The following TAFA2 variants were observed in gnomAD, a reference collection of about 807,000 sequenced individuals.
TAFA2 encodes TAFA chemokine like family member 2.
A neutral mutation model predicts 18.8 loss-of-function variants in TAFA2; 7 were observed. The ratio of observed to expected loss-of-function variants is 0.37; its 90% CI spans 0.21 to 0.70. TAFA2 has a LOEUF of 0.70. Among genes scored for constraint, TAFA2 ranks in the 30% least tolerant of loss-of-function variants. The pLI, the probability that TAFA2 is intolerant of heterozygous loss-of-function variation, is 0.53. For missense variants in TAFA2, 122 were observed against 158.1 expected (o/e 0.77, Z 1.23); for synonymous variants, 60 against 54.2 (o/e 1.11, Z -0.47).
At chr12:62,145,751 C>G (rs1490372910) in intron 1 of TAFA2, 1 of 152,260 alleles carries the variant, frequency 6.6e-6, no homozygotes, top group Admixed American at 6.5e-5. Flanking sequence ...TCCTCACTCT[C>G]TTGGTGAGGC....
chr12:62,158,863 C>A (rs2062388464), intron 1 of TAFA2, among the ~76,000 whole-genome samples: 1 of 152,064 alleles, frequency 6.6e-6, no homozygotes, highest in African/African-American at 2.4e-5. Context: ...TCTAAAGACC[C>A]AGCACAAGTG....
At chr12:61,765,377 T>C (rs1869743599) in intron 2 of TAFA2, among the ~76,000 whole-genome samples, 1 of 152,098 alleles carries the variant, frequency 6.6e-6, no homozygotes, top group African/African-American at 2.4e-5. Context: ...TAGGCTATGT[T>C]AAGCCAATGT....
intron 1 of TAFA2, among the ~76,000 whole-genome samples, chr12:62,020,500 A>G (rs552389356): frequency 1.8e-4 from 28 of 152,350 alleles, no homozygotes; most frequent in Admixed American, 1.4e-3. Context: ...AGAAATGGGC[A>G]TGGTGTTTTC....
At chr12:62,042,401 C>CTG (rs147189045) in intron 1 of TAFA2, among the ~76,000 whole-genome samples, 9,523 of 143,886 alleles carry the variant, frequency 0.066, 337 homozygotes, top group African/African-American at 0.084. Context: ...GCATTGAAGT[C>CTG]TGTGTGTGTG....
intron 2 of TAFA2, among the ~76,000 whole-genome samples, chr12:61,865,358 T>C (rs893161126): frequency 6.6e-6 from 1 of 152,076 alleles, no homozygotes; most frequent in Non-Finnish European, 1.5e-5. Context: ...TTATTTTATG[T>C]GTAAAATAGC....
rs905671869 is a variant in TAFA2, at chr12:61,880,422, T to C, written c.-1-12996A>G. On this transcript the variant is annotated intron_variant, in intron 1 of 4. Transcript: ENST00000416284. ...GCCCTGCAGTGGGCCAAGCAGGACA[T>C]GGCACAGCAGCTGCGTGTATACCAG... 7.4e-6 allele frequency: 4 copies of C among 539,194 alleles called. No individual in the cohort carries two copies. The East Asian group carries it at 1.6e-4, about 21-fold the overall frequency. The allele number at this position is 539,194 out of a possible 1,614,324, so 33.4% of individuals were successfully genotyped here.
chr12:62,246,282 G>A (rs573953934), intron 1 of TAFA2, among the ~76,000 whole-genome samples: 4 of 152,178 alleles, frequency 2.6e-5, no homozygotes, highest in East Asian at 1.9e-4. Flanking sequence ...CACCGTGCCC[G>A]GCCCACTTTT....
At chr12:61,884,894 T>C (rs1335151332) in intron 1 of TAFA2, among the ~76,000 whole-genome samples, 2 of 152,212 alleles carry the variant, frequency 1.3e-5, no homozygotes, top group African/African-American at 4.8e-5. Flanking sequence ...ATTTCAAATG[T>C]GGAAGCCTGC....
At chr12:62,235,006 GGTAAGGCATT>G in intron 1 of TAFA2, 1 of 649,966 alleles carries the variant, frequency 1.5e-6, no homozygotes, top group South Asian at 1.4e-5. Flanking sequence ...GAGAGGCCAG[GGTAAGGCATT>G]GTAGGGTCCC....
chr12:61,917,521 C>T (rs1876876053), intron 1 of TAFA2, among the ~76,000 whole-genome samples: 1 of 152,100 alleles, frequency 6.6e-6, no homozygotes. Context: ...TTTGATTGAA[C>T]TCTGCACCCT....
chr12:62,021,530 A>G (rs1881139039), intron 1 of TAFA2: 2 of 725,796 alleles, frequency 2.8e-6, no homozygotes, highest in Non-Finnish European at 5.1e-6. Flanking sequence ...ACAGAACAAC[A>G]TCCAGACTCC....
intron 1 of TAFA2, among the ~76,000 whole-genome samples, chr12:61,896,739 G>A (rs1268644502): frequency 6.6e-6 from 1 of 152,116 alleles, no homozygotes; most frequent in Non-Finnish European, 1.5e-5. Context: ...GGGCTCAGCA[G>A]GCACTGAACA....
chr12:62,062,311 C>T (rs778567856), intron 1 of TAFA2, among the ~76,000 whole-genome samples: 35 of 152,200 alleles, frequency 2.3e-4, no homozygotes, highest in Non-Finnish European at 4.1e-4. Flanking sequence ...ACTGTATCCT[C>T]TTGGGAGAAC....
At chr12:61,767,580 C>T (rs555055125) in intron 2 of TAFA2, among the ~76,000 whole-genome samples, 2 of 152,122 alleles carry the variant, frequency 1.3e-5, no homozygotes, top group East Asian at 3.9e-4. Context: ...TCTTTGCCTT[C>T]CAACTACAAT....
In TAFA2 at chr12:61,797,537, A is replaced by C. The variant is rs146647616; in HGVS notation, c.107-42513T>G. The stretch of plus-strand genomic sequence containing the variant: ...ATTACACAGCAAATTGGCCTAGATC[A>C]GCTGGGCACAAAAGTCTGAAAAAAA... On this transcript the variant is annotated intron_variant, in intron 2 of 4. Coordinates refer to ENST00000416284, the MANE Select transcript of TAFA2 (RefSeq NM_178539.5). 5.3e-3 allele frequency among the ~76,000 whole-genome samples: 798 copies of C among 151,930 alleles called. 7 individuals carry two copies. The highest frequency in any genetic ancestry group is 0.018 in the African/African-American group (749 of 41,244).
At chr12:62,161,187 C>G (rs1355285470) in intron 1 of TAFA2, among the ~76,000 whole-genome samples, 1 of 152,132 alleles carries the variant, frequency 6.6e-6, no homozygotes, top group Non-Finnish European at 1.5e-5. Context: ...CCATCACTCA[C>G]TGATTCATCA....
intron 1 of TAFA2, among the ~76,000 whole-genome samples, chr12:62,091,454 G>A (rs1868708838): frequency 6.6e-6 from 1 of 151,832 alleles, no homozygotes; most frequent in Admixed American, 6.6e-5. Context: ...AACTCACTAT[G>A]TAACATATCT....
At chr12:61,714,224 G>A (rs143958078) in intron 4 of TAFA2, among the ~76,000 whole-genome samples, 211 of 152,166 alleles carry the variant, frequency 1.4e-3, no homozygotes, top group African/African-American at 4.9e-3. Context: ...AGCTTCATGC[G>A]CTATAATCAC....
chr12:61,915,103 G>A (rs1876768166), intron 1 of TAFA2, among the ~76,000 whole-genome samples: 1 of 152,170 alleles, frequency 6.6e-6, no homozygotes, highest in South Asian at 2.1e-4. Flanking sequence ...GGAGGTTGTG[G>A]TGAGCCAAGA....
Sources: gnomAD v4.1 joint callset for allele counts (sites outside exome capture counted in the v4.1 genomes callset) on GRCh38, gnomAD v4.1.1 for gene constraint, MANE v1.5 for transcripts, NCBI Gene and HGNC (gene_info 2026-07-23, HGNC 2026-07-21) for gene names.